Variants in FOCAD observed in about 807,000 individuals in gnomAD.
The protein encoded by FOCAD is KIAA1797.
In FOCAD, 198 loss-of-function variants were observed where a neutral mutation model predicts 225.6. The observed-to-expected ratio is 0.88, with a 90% CI of 0.78 to 0.99. FOCAD has a LOEUF of 0.99. Ranked by LOEUF, FOCAD falls within the 50% of genes least tolerant of loss-of-function variation. The pLI, the probability that FOCAD is intolerant of heterozygous loss-of-function variation, is 0.00. For synonymous variants in FOCAD, 897 were observed against 755.0 expected (o/e 1.19, Z -3.08); for missense variants, 2,713 against 2,123.6 (o/e 1.28, Z -5.46).
Position 20,778,771 on chromosome 9 carries a change from A to G in FOCAD, c.994+3A>G. 1 of 1,562,612 alleles carries G rather than the reference A, an allele frequency of 6.4e-7. No homozygotes were observed. The highest frequency in any genetic ancestry group is 8.8e-7 in the Non-Finnish European group (1 of 1,134,584). On this transcript the variant is annotated splice_donor_region_variant and intron_variant, in intron 9 of 43. Coordinates refer to ENST00000338382, the MANE Select transcript of FOCAD (RefSeq NM_001375567.1). ...GCAGAAGCCAATCTTAAATCTAGGT[A>G]AATAAAAATACAGTCACTAGAGTAA...
In FOCAD at chr9:20,982,455, A is replaced by C; in HGVS notation, c.4728+9A>C. 1 of 1,596,548 alleles carries C rather than the reference A, an allele frequency of 6.3e-7. No individual in the cohort carries two copies. Reference sequence around the variant, plus strand: ...TCGCCCAGGTTACTAAGGTAATAACATATCTTTCTATACCTTTTTTCATTA... The same window carrying C: ...TCGCCCAGGTTACTAAGGTAATAACCTATCTTTCTATACCTTTTTTCATTA... On this transcript the variant is annotated intron_variant, in intron 39 of 43. Coordinates refer to ENST00000338382, the MANE Select transcript of FOCAD (RefSeq NM_001375567.1).
intron 19 of FOCAD, among the ~76,000 whole-genome samples, chr9:20,878,943 C>T (rs1489125849): frequency 6.6e-6 from 1 of 152,266 alleles, no homozygotes. Context: ...AAGCCTGTCC[C>T]AGCTCTCATA....
chr9:20,977,170 C>T (rs1039779946), intron 36 of FOCAD, among the ~76,000 whole-genome samples: 2 of 152,164 alleles, frequency 1.3e-5, no homozygotes, highest in Admixed American at 1.3e-4. Context: ...CTTCTCACAC[C>T]ATCATCTTTC....
intron 21 of FOCAD, among the ~76,000 whole-genome samples, chr9:20,904,690 T>C (rs540360351): frequency 6.6e-6 from 1 of 152,140 alleles, no homozygotes; most frequent in African/African-American, 2.4e-5. Context: ...TGAGTAGTTA[T>C]AGAAAAAAAT....
In FOCAD at chr9:20,765,036, T is replaced by C. The variant is rs1327239040; in HGVS notation, c.662T>C (p.Ile221Thr). 1.2e-6 allele frequency: 2 copies of C among 1,613,962 alleles called. No homozygotes were observed. Among genetic ancestry groups the C allele is most frequent in the Non-Finnish European group, 8.5e-7 (1 of 1,179,996 alleles). Residue 221 changes from isoleucine to threonine, a missense_variant, in exon 7 of 44, where the codon ATA becomes ACA. Transcript: ENST00000338382. ...CAACCATCAATACTGGAACAGCAGA[T>C]ACTTCAACTGTGTTGTGACATAGTT... ...KDQPSILEQQ[I>T]LQLCCDIVPC...
At chr9:20,759,644 A>G (rs1829390500) in intron 6 of FOCAD, among the ~76,000 whole-genome samples, 1 of 152,232 alleles carries the variant, frequency 6.6e-6, no homozygotes, top group Non-Finnish European at 1.5e-5. Context: ...TTCAGGACAT[A>G]GGCATGGGCA....
At chr9:20,958,825 T>A (rs1838440640) in intron 35 of FOCAD, among the ~76,000 whole-genome samples, 1 of 152,186 alleles carries the variant, frequency 6.6e-6, no homozygotes, top group Non-Finnish European at 1.5e-5. Context: ...TCACTTAACA[T>A]AACGTCTTGC....
At chr9:20,838,224 A>G (rs1271786246) in intron 15 of FOCAD, among the ~76,000 whole-genome samples, 3 of 151,724 alleles carry the variant, frequency 2.0e-5, no homozygotes, top group Non-Finnish European at 4.4e-5. Context: ...TGTTTTGAGT[A>G]TACATTAGTT....
chr9:20,892,751 T>C (rs1001090578), intron 21 of FOCAD, among the ~76,000 whole-genome samples: 8 of 152,116 alleles, frequency 5.3e-5, no homozygotes, highest in African/African-American at 1.9e-4. Flanking sequence ...TTTGAGAGGA[T>C]TGATTCCACC....
At chr9:20,981,797 C>A in intron 38 of FOCAD, 111 bp downstream of exon 38, 2 of 1,173,132 alleles carry the variant, frequency 1.7e-6, no homozygotes, top group South Asian at 1.5e-5. Flanking sequence ...GGAAGGCTAG[C>A]AAGAAATAAC....
chr9:20,860,363 A>G (rs144994195), intron 15 of FOCAD, among the ~76,000 whole-genome samples: 1 of 152,330 alleles, frequency 6.6e-6, no homozygotes, highest in Non-Finnish European at 1.5e-5. Flanking sequence ...AAAGAGGTTT[A>G]ATTGGACTTA....
intron 2 of FOCAD, chr9:20,716,122 TG>T: frequency 4.2e-6 from 2 of 479,554 alleles, no homozygotes; most frequent in South Asian, 1.6e-5. Context: ...AGCTGGGTAG[TG>T]GGGAACCCTT....
chr9:20,724,526 G>A (rs547563181), intron 4 of FOCAD, among the ~76,000 whole-genome samples: 2 of 152,262 alleles, frequency 1.3e-5, no homozygotes, highest in South Asian at 2.1e-4. Flanking sequence ...GATATAGACA[G>A]AATAGATGCT....
intron 26 of FOCAD, among the ~76,000 whole-genome samples, chr9:20,928,275 A>C (rs536985356): frequency 6.6e-6 from 1 of 152,300 alleles, no homozygotes; most frequent in East Asian, 1.9e-4. Context: ...GCCCTGTTTT[A>C]AAAGTCACTT....
intron 4 of FOCAD, among the ~76,000 whole-genome samples, chr9:20,736,375 T>C (rs1464770517): frequency 6.6e-6 from 1 of 152,226 alleles, no homozygotes; most frequent in South Asian, 2.1e-4. Context: ...TCTAATTCAC[T>C]ATTTTGAGTT....
chr9:20,880,976 G>T (rs1315322415), intron 19 of FOCAD, among the ~76,000 whole-genome samples: 1 of 152,064 alleles, frequency 6.6e-6, no homozygotes, highest in Non-Finnish European at 1.5e-5. Context: ...TATACATCCT[G>T]TTGTCTTCTG....
intron 2 of FOCAD, among the ~76,000 whole-genome samples, chr9:20,662,278 A>C (rs916737376): frequency 1.3e-5 from 2 of 152,152 alleles, no homozygotes; most frequent in Non-Finnish European, 2.9e-5. Flanking sequence ...ATCCCATTAC[A>C]AGGAATTAAT....
In FOCAD at chr9:20,988,424, G is replaced by A. The variant is rs117405838; in HGVS notation, c.4999G>A (p.Asp1667Asn). The change falls in exon 41 of 44, where the codon GAC becomes AAC. Residue 1667 changes from aspartate to asparagine, a missense_variant. Transcript: ENST00000338382. ...QSTSFHNTAL[D>N]KALDFFLLIF... ...AACATCCTTTCACAATACGGCTCTTGACAAGGTAAAATCTAGAGGAGTAGT... is the reference window on the plus strand; with the variant it reads ...AACATCCTTTCACAATACGGCTCTTAACAAGGTAAAATCTAGAGGAGTAGT... 0.016 allele frequency: 25,144 copies of A among 1,580,420 alleles called. 316 individuals carry two copies. Among genetic ancestry groups the A allele is most frequent in the Admixed American group, 0.023 (1,344 of 58,960 alleles).
At chr9:20,688,222 T>C (rs1476433342) in intron 1 of FOCAD, among the ~76,000 whole-genome samples, 1 of 152,310 alleles carries the variant, frequency 6.6e-6, no homozygotes, top group East Asian at 1.9e-4. Flanking sequence ...ATGTGAGGAA[T>C]GAATTGTAGT....
Sources: allele counts gnomAD v4.1 joint callset (sites outside exome capture counted in the v4.1 genomes callset), GRCh38; gene constraint gnomAD v4.1.1; transcripts MANE v1.5; gene names NCBI Gene and HGNC (gene_info 2026-07-23, HGNC 2026-07-21).